Variants in AKAP7 observed in about 807,000 individuals in gnomAD.
The protein encoded by AKAP7 is A-kinase anchoring protein 7.
AKAP7 carries 39 observed loss-of-function variants against 39.5 expected under a neutral mutation model. That is an observed-to-expected ratio of 0.99 (90% CI 0.76 to 1.29). The LOEUF (loss-of-function observed/expected upper bound fraction) is 1.29. Among genes scored for constraint, AKAP7 ranks in the 50% most tolerant of loss-of-function variants. The probability of loss-of-function intolerance (pLI) is 0.00; values close to 1 mark genes in which losing one functional copy is unlikely to be tolerated. For synonymous variants in AKAP7, 140 were observed against 139.1 expected, an observed-to-expected ratio of 1.01 and a Z score of -0.05; for missense variants, 414 against 407.7, an observed-to-expected ratio of 1.02 and a Z score of -0.13.
In AKAP7 at chr6:131,245,402, G is replaced by T. The variant is rs147692716; in HGVS notation, c.850+25594G>T. 8.4e-3 allele frequency among the ~76,000 whole-genome samples: 1,252 copies of T among 148,192 alleles called. 21 individuals are homozygous for T. Among genetic ancestry groups the T allele is most frequent in the African/African-American group, 0.03 (1,194 of 40,270 alleles). On this transcript the variant is annotated intron_variant, in intron 7 of 7. Coordinates refer to ENST00000431975, the MANE Select transcript of AKAP7 (RefSeq NM_016377.4). ...TGGGATTACAGGCACCCACCACCACGCCCAGCTACGTTTTTTTTTTTGTTT... is the reference window on the plus strand; with the variant it reads ...TGGGATTACAGGCACCCACCACCACTCCCAGCTACGTTTTTTTTTTTGTTT...
At chr6:131,260,277 A>G (rs1813207171) in intron 7 of AKAP7, among the ~76,000 whole-genome samples, 1 of 152,140 alleles carries the variant, frequency 6.6e-6, no homozygotes, top group African/African-American at 2.4e-5. Context: ...GTGTGCGTGT[A>G]TCTTTATAAT....
At chr6:131,154,940 G>T (rs1389249658) in intron 2 of AKAP7, among the ~76,000 whole-genome samples, 1 of 151,898 alleles carries the variant, frequency 6.6e-6, no homozygotes, top group African/African-American at 2.4e-5. Context: ...ATTTTTTTCT[G>T]TCTCTTCTAG....
At chr6:131,175,185 T>G (rs1804455912) in intron 5 of AKAP7, among the ~76,000 whole-genome samples, 1 of 152,182 alleles carries the variant, frequency 6.6e-6, no homozygotes, top group Non-Finnish European at 1.5e-5. Flanking sequence ...CTCATCATTT[T>G]CACATTGAGT....
At chr6:131,129,593 T>G in the AKAP7 span, among the ~76,000 whole-genome samples, 2 of 152,220 alleles carry the variant, frequency 1.3e-5, no homozygotes, top group Non-Finnish European at 2.9e-5. Context: ...TTAGAAATAT[T>G]TAAAATAATT....
At chr6:131,242,106 A>G in intron 7 of AKAP7, 1 of 983,446 alleles carries the variant, frequency 1.0e-6, no homozygotes. Context: ...ACTGAGTGTG[A>G]GCAACTGAGA....
the AKAP7 span, among the ~76,000 whole-genome samples, chr6:131,125,778 T>C: frequency 6.6e-6 from 1 of 152,232 alleles, no homozygotes; most frequent in South Asian, 2.1e-4. Flanking sequence ...TGGATGAATA[T>C]GGAGTTCCTC....
intron 2 of AKAP7, among the ~76,000 whole-genome samples, chr6:131,145,618 A>T (rs1256864890): frequency 6.6e-6 from 1 of 152,140 alleles, no homozygotes; most frequent in Non-Finnish European, 1.5e-5. Flanking sequence ...ATCACAGTTC[A>T]CTGCAGCCTT....
chr6:131,226,338 C>A (rs1015749652), intron 7 of AKAP7, among the ~76,000 whole-genome samples: 14 of 152,154 alleles, frequency 9.2e-5, no homozygotes, highest in African/African-American at 2.9e-4. Context: ...TGGCAACATT[C>A]CTATTTTCAG....
intron 5 of AKAP7, among the ~76,000 whole-genome samples, chr6:131,194,269 A>G (rs1321077429): frequency 1.3e-5 from 2 of 151,558 alleles, no homozygotes; most frequent in Admixed American, 1.3e-4. Flanking sequence ...TAATTTTTTC[A>G]GTTTTCTTTT....
intron 1 of AKAP7, among the ~76,000 whole-genome samples, chr6:131,143,661 A>C (rs1217841923): frequency 1.3e-5 from 2 of 152,062 alleles, no homozygotes; most frequent in African/African-American, 2.4e-5. Context: ...AGATTAATCA[A>C]ATTGCAGTAA....
intron 5 of AKAP7, chr6:131,184,235 AGAG>A (rs984481857): frequency 1.7e-5 from 7 of 424,152 alleles, no homozygotes; most frequent in Admixed American, 3.0e-5. Flanking sequence ...CTTGTGAAGG[AGAG>A]GAGGAGGAAG....
chr6:131,133,150 G>A (rs761422535), upstream of AKAP7, among the ~76,000 whole-genome samples: 1 of 152,088 alleles, frequency 6.6e-6, no homozygotes. Flanking sequence ...AAAAGTCATG[G>A]TAAATCTTTC....
At chr6:131,223,282 A>G (rs1369696211) in intron 7 of AKAP7, among the ~76,000 whole-genome samples, 3 of 152,216 alleles carry the variant, frequency 2.0e-5, no homozygotes, top group Non-Finnish European at 4.4e-5. Flanking sequence ...TCTTTAACCA[A>G]GGTAATTTAT....
chr6:131,131,981 G>A (rs549278786), upstream of AKAP7, among the ~76,000 whole-genome samples: 14 of 152,274 alleles, frequency 9.2e-5, no homozygotes, highest in South Asian at 2.9e-3. Flanking sequence ...AGGATGTTTG[G>A]TTATTGACAG....
At chr6:131,247,285 A>G (rs1181907769) in intron 7 of AKAP7, among the ~76,000 whole-genome samples, 14,787 of 64,674 alleles carry the variant, frequency 0.23, 1,412 homozygotes, top group Non-Finnish European at 0.29. Context: ...ATATATATAT[A>G]TATATATATA....
intron 6 of AKAP7, among the ~76,000 whole-genome samples, chr6:131,204,275 C>G (rs1381261657): frequency 1.3e-5 from 2 of 152,020 alleles, no homozygotes; most frequent in African/African-American, 4.8e-5. Flanking sequence ...AGAAATAACT[C>G]CCACAACAAT....
At chr6:131,235,322 G>T (rs866515469) in intron 7 of AKAP7, among the ~76,000 whole-genome samples, 26 of 152,294 alleles carry the variant, frequency 1.7e-4, no homozygotes, top group Middle Eastern at 3.4e-3. Context: ...GGACATTTGG[G>T]TTGGTTCCAA....
intron 7 of AKAP7, among the ~76,000 whole-genome samples, chr6:131,243,649 G>C (rs1037740028): frequency 6.6e-6 from 1 of 152,162 alleles, no homozygotes; most frequent in Non-Finnish European, 1.5e-5. Flanking sequence ...ACCAGGAAAT[G>C]TGACTGACTG....
intron 7 of AKAP7, among the ~76,000 whole-genome samples, chr6:131,234,934 T>A (rs1257640861): frequency 6.6e-6 from 1 of 152,074 alleles, no homozygotes. Context: ...ACTTTACGTT[T>A]TAGGGTACAT....
Sources: gnomAD v4.1 joint callset for allele counts (sites outside exome capture counted in the v4.1 genomes callset) on GRCh38, gnomAD v4.1.1 for gene constraint, MANE v1.5 for transcripts, NCBI Gene and HGNC (gene_info 2026-07-23, HGNC 2026-07-21) for gene names.